CD4: variants seen among roughly 807,000 people sequenced by gnomAD.
CD4 encodes the protein CD4 molecule, also known as T-cell surface glycoprotein CD4.
In CD4, 25 loss-of-function variants were observed where a neutral mutation model predicts 50.5. That is an observed-to-expected ratio of 0.49 (90% CI 0.36 to 0.69). The LOEUF is 0.69. Among genes scored for constraint, CD4 ranks in the 30% least tolerant of loss-of-function variants. The probability of loss-of-function intolerance (pLI) is 0.00; values close to 1 mark genes in which losing one functional copy is unlikely to be tolerated. For missense variants in CD4, 456 were observed against 548.5 expected, an observed-to-expected ratio of 0.83 and a Z score of 1.68; for synonymous variants, 207 against 221.9, an observed-to-expected ratio of 0.93 and a Z score of 0.60.
intron 1 of CD4, among the ~76,000 whole-genome samples, chr12:6,798,067 C>T (rs149225008): frequency 1.4e-4 from 22 of 152,184 alleles, no homozygotes; most frequent in East Asian, 5.8e-4. Flanking sequence ...TAGGCTTTCT[C>T]GGGCAGGGGT....
At chr12:6,794,159 G>T (rs529980156) in intron 1 of CD4, among the ~76,000 whole-genome samples, 2 of 150,088 alleles carry the variant, frequency 1.3e-5, no homozygotes, top group Non-Finnish European at 3.0e-5. Context: ...TGCAACCTCC[G>T]CCTCCCGGGT....
chr12:6,817,375 C>G (rs782312850), intron 7 of CD4, 45 bp downstream of exon 7: 1 of 1,513,762 alleles, frequency 6.6e-7, no homozygotes. Context: ...GGCTGCGGGA[C>G]CTTCCTGTGG....
chr12:6,796,828 C>T (rs905563017), intron 1 of CD4, among the ~76,000 whole-genome samples: 19 of 152,188 alleles, frequency 1.2e-4, no homozygotes, highest in Admixed American at 1.1e-3. Context: ...GCCTGGGTGA[C>T]AGAGTGGATC....
intron 7 of CD4, among the ~76,000 whole-genome samples, chr12:6,817,802 T>C (rs1943126293): frequency 6.8e-6 from 1 of 147,166 alleles, no homozygotes; most frequent in African/African-American, 2.5e-5. Context: ...TCTCACCCCA[T>C]GTACTCACAC....
intron 1 of CD4, among the ~76,000 whole-genome samples, chr12:6,791,304 G>C (rs147078151): frequency 6.6e-6 from 1 of 152,126 alleles, no homozygotes; most frequent in East Asian, 1.9e-4. Context: ...GTGCAATGAC[G>C]TGATCTCCAC....
In CD4 at chr12:6,814,175, G is replaced by A. The variant is rs1270728621; in HGVS notation, c.248G>A (p.Arg83Lys). 2.5e-6 allele frequency: 4 copies of A among 1,614,136 alleles called. No homozygotes were observed. Among genetic ancestry groups the A allele is most frequent in the African/African-American group, 2.7e-5 (2 of 75,034 alleles). ...PSKLNDRADS[R>K]RSLWDQGNFP... Reference sequence around the variant, plus strand: ...AAGCTGAATGATCGCGCTGACTCAAGAAGAAGCCTTTGGGACCAAGGAAAC... The same window carrying A: ...AAGCTGAATGATCGCGCTGACTCAAAAAGAAGCCTTTGGGACCAAGGAAAC... Residue 83 changes from arginine (R) to lysine (K), a missense_variant, in exon 4 of 10, where the codon AGA (arginine) becomes AAA (lysine). Physicochemically the swap from Arg to Lys is conservative, Grantham distance 26 (BLOSUM62 2). Transcript: ENST00000011653.
At chr12:6,801,722 G>A (rs1422721997) in intron 3 of CD4, among the ~76,000 whole-genome samples, 6 of 150,320 alleles carry the variant, frequency 4.0e-5, no homozygotes, top group Admixed American at 1.3e-4. Flanking sequence ...CACCATGCCT[G>A]GCTAATTTTT....
chr12:6,817,742 C>G (rs1321182699), intron 7 of CD4, among the ~76,000 whole-genome samples: 1 of 140,712 alleles, frequency 7.1e-6, no homozygotes, highest in South Asian at 2.3e-4. Flanking sequence ...CTCACACACT[C>G]GCACACACTC....
chr12:6,814,460 T>G, intron 4 of CD4, 160 bp downstream of exon 4: 1 of 742,760 alleles, frequency 1.3e-6, no homozygotes, highest in Non-Finnish European at 2.2e-6. Flanking sequence ...CCCTTCTTGA[T>G]CAGGTGAGGG....
At chr12:6,815,689 C>T in intron 5 of CD4, 1 of 1,302,624 alleles carries the variant, frequency 7.7e-7, no homozygotes, top group Non-Finnish European at 1.0e-6. Context: ...GTGCCTGGCA[C>T]AGAGTAAGCC....
At chr12:6,797,360 T>C (rs1244214327) in intron 1 of CD4, among the ~76,000 whole-genome samples, 1 of 152,064 alleles carries the variant, frequency 6.6e-6, no homozygotes, top group East Asian at 1.9e-4. Context: ...GGTCTGATAT[T>C]GGACAGAGAA....
chr12:6,810,385 A>G (rs1555116834), intron 3 of CD4, among the ~76,000 whole-genome samples: 5 of 152,220 alleles, frequency 3.3e-5, no homozygotes, highest in African/African-American at 1.2e-4. Flanking sequence ...GGAGGGTTAT[A>G]CATTTCATTT....
Position 6,818,977 on chromosome 12 carries a change from AG to A in CD4, c.1346+68del. On this transcript the variant is annotated intron_variant, in intron 9 of 9. Coordinates refer to ENST00000011653, the MANE Select transcript of CD4 (RefSeq NM_000616.5). This position sits in a 1 kb window ranked among gnomAD's most constrained non-coding sequence, Gnocchi z 5.0. ...GGGGAGGGGGAGGGAGTTAGAGAGG[AG>A]GGGGAGGAAGGGGAGCAAAGGGGGG... The A allele has an allele frequency of 5.1e-6, 2 of 392,756 alleles. No individual in the cohort carries two copies. The highest frequency in any genetic ancestry group is 9.5e-6 in the Non-Finnish European group (2 of 210,026). The allele number at this position is 392,756 out of a possible 1,614,324, so 24.3% of individuals were successfully genotyped here.
chr12:6,811,338 C>G (rs782596569), intron 3 of CD4, among the ~76,000 whole-genome samples: 3 of 152,216 alleles, frequency 2.0e-5, no homozygotes, highest in African/African-American at 7.2e-5. Context: ...GAAAACTTCC[C>G]TTGGTGATGG....
intron 1 of CD4, among the ~76,000 whole-genome samples, chr12:6,794,352 C>A (rs1942297075): frequency 6.6e-6 from 1 of 150,774 alleles, no homozygotes; most frequent in African/African-American, 2.4e-5. Flanking sequence ...CAGGCGTGAG[C>A]CACCGTGCCT....
At chr12:6,801,567 A>G (rs1245842976) in intron 3 of CD4, among the ~76,000 whole-genome samples, 1 of 148,630 alleles carries the variant, frequency 6.7e-6, no homozygotes, top group Non-Finnish European at 1.5e-5. Context: ...TAGTTTATTT[A>G]TTTATTTTTT....
chr12:6,817,457 T>C (rs751399122), intron 7 of CD4, 127 bp downstream of exon 7: 142 of 793,608 alleles, frequency 1.8e-4, no homozygotes, highest in Non-Finnish European at 2.7e-4. Flanking sequence ...GTGTCCTCTG[T>C]GGTCCCAGGG....
In CD4 at chr12:6,818,010, GCA is replaced by G. The variant is rs1201382708; in HGVS notation, c.1157-404_1157-403del. ...CGCGCGCGCACATGCATGCAGTCAC[GCA>G]CACACATTCATACACGCACACAGGC... is the stretch of plus-strand genomic sequence containing the variant. On this transcript the variant is annotated intron_variant, in intron 7 of 9. Coordinates refer to ENST00000011653, the MANE Select transcript of CD4 (RefSeq NM_000616.5). The surrounding 1 kb of genome is among the most constrained non-coding windows in gnomAD (Gnocchi z 5.0). 6.7e-6 allele frequency among the ~76,000 whole-genome samples: 1 copy of G among 149,106 alleles called. No homozygotes were observed. The highest frequency in any genetic ancestry group is 2.5e-5 in the African/African-American group (1 of 40,302).
intron 1 of CD4, chr12:6,799,368 G>A (rs1216051163): frequency 6.6e-6 from 1 of 151,970 alleles, no homozygotes; most frequent in African/African-American, 2.4e-5. Flanking sequence ...TTGACAGGTG[G>A]GTTGCTTAGT....
Sources: gnomAD v4.1 joint callset for allele counts (sites outside exome capture counted in the v4.1 genomes callset) on GRCh38, gnomAD v4.1.1 for gene constraint, Gnocchi (gnomAD v3.1) non-coding constraint, MANE v1.5 for transcripts, NCBI Gene and HGNC (gene_info 2026-07-23, HGNC 2026-07-21) for gene names.